ADAM10: variants seen among roughly 807,000 people sequenced by gnomAD.
ADAM10 encodes the protein disintegrin and metalloproteinase domain-containing protein 10.
Under a neutral mutation model 90.1 loss-of-function variants are expected in ADAM10, and 17 were observed. The ratio of observed to expected loss-of-function variants is 0.19; its 90% confidence interval spans 0.13 to 0.28. The LOEUF (loss-of-function observed/expected upper bound fraction) is 0.28. ADAM10 is among the 10% of genes least tolerant of loss of function. The probability of loss-of-function intolerance (pLI) is 1.00; values close to 1 mark genes in which losing one functional copy is unlikely to be tolerated. For synonymous variants in ADAM10, 310 were observed against 298.6 expected, an observed-to-expected ratio of 1.04 and a Z score of -0.40; for missense variants, 610 against 914.3, an observed-to-expected ratio of 0.67 and a Z score of 4.29.
chr15:58,688,766 T>TATATA (rs1555418241), intron 2 of ADAM10, among the ~76,000 whole-genome samples: 7 of 121,892 alleles, frequency 5.7e-5, no homozygotes, highest in African/African-American at 2.6e-4. Context: ...AAAAAAAAAA[T>TATATA]TATATATATA....
chr15:58,698,373 A>G, intron 2 of ADAM10: 1 of 388,048 alleles, frequency 2.6e-6, no homozygotes. Flanking sequence ...GGAGTTTGAG[A>G]CCAGCCTGGG....
chr15:58,659,494 G>A (rs926139213), intron 5 of ADAM10, among the ~76,000 whole-genome samples: 7 of 151,900 alleles, frequency 4.6e-5, no homozygotes, highest in African/African-American at 1.7e-4. Flanking sequence ...CCTTTATTAT[G>A]TTTATGTGGT....
rs541431264 is a variant in ADAM10, at chr15:58,589,551, C to G, written c.*7996G>C. The G allele has an allele frequency of 6.6e-6, 1 of 152,378 alleles. No individual in the cohort carries two copies. Among genetic ancestry groups the G allele is most frequent in the South Asian group, 2.1e-4 (1 of 4,830 alleles). 9.4% of individuals were successfully genotyped at this position (152,378 alleles called of 1,614,324 possible). On this transcript the variant is annotated 3_prime_UTR_variant, in exon 16 of 16. Transcript: ENST00000260408. ...GCTGGTTTCTTTCCTTCCGCTAGAC[C>G]CTCAGCTCCCTGAAGGCACAGACTG...
intron 1 of ADAM10, among the ~76,000 whole-genome samples, chr15:58,723,922 C>A (rs1213019625): frequency 6.6e-6 from 1 of 152,076 alleles, no homozygotes; most frequent in Admixed American, 6.6e-5. Context: ...CAGAATCAGT[C>A]TTAGATTATA....
intron 4 of ADAM10, among the ~76,000 whole-genome samples, chr15:58,677,709 G>A (rs1180935603): frequency 6.6e-6 from 1 of 152,074 alleles, no homozygotes; most frequent in African/African-American, 2.4e-5. Context: ...AAATAATCTG[G>A]CAGATTACGC....
At chr15:58,686,544 A>C (rs1436635345) in intron 2 of ADAM10, 1 of 1,415,446 alleles carries the variant, frequency 7.1e-7, no homozygotes, top group African/African-American at 1.4e-5. Context: ...AATGCCTGCA[A>C]GGATGCCCTG....
At chr15:58,626,014 A>G (rs1372802693) in intron 10 of ADAM10, among the ~76,000 whole-genome samples, 1 of 152,200 alleles carries the variant, frequency 6.6e-6, no homozygotes, top group Non-Finnish European at 1.5e-5. Context: ...GAAGGGAGGT[A>G]AGCATGGTTA....
rs1166188970 is a variant in ADAM10 at position 58,591,088 on chromosome 15, CA to C, written c.*6458del. ...TGGATAAGCTGACCATACTCCTTGACATGTTTAACAGAGAACAAATATTTTA... is the reference window on the plus strand; with the variant it reads ...TGGATAAGCTGACCATACTCCTTGACTGTTTAACAGAGAACAAATATTTTA... On this transcript the variant is annotated 3_prime_UTR_variant, in exon 16 of 16. Transcript: ENST00000260408. The C allele has an allele frequency of 6.6e-6, 1 of 152,184 alleles. No individual in the cohort carries two copies. Among genetic ancestry groups the C allele is most frequent in the Non-Finnish European group, 1.5e-5 (1 of 68,026 alleles). 9.4% of individuals were successfully genotyped at this position (152,184 alleles called of 1,614,324 possible). A position where few individuals can be genotyped will look rare whatever the true frequency, so the allele number is the denominator to read the frequency against.
intron 9 of ADAM10, chr15:58,629,274 TA>T (rs1896033584): frequency 6.6e-6 from 1 of 152,252 alleles, no homozygotes; most frequent in African/African-American, 2.4e-5. Context: ...CTTCTATTTT[TA>T]AATGATAGCA....
chr15:58,664,993 G>T (rs1368374660), intron 5 of ADAM10, 104 bp downstream of exon 5: 4 of 914,598 alleles, frequency 4.4e-6, no homozygotes, highest in South Asian at 4.0e-5. Flanking sequence ...CCCCACAGTG[G>T]TGTTAAGTCT....
intron 2 of ADAM10, among the ~76,000 whole-genome samples, chr15:58,683,311 A>G (rs751744669): frequency 1.1e-4 from 16 of 152,188 alleles, no homozygotes; most frequent in Admixed American, 2.6e-4. Context: ...GCAGAGTACT[A>G]TAAGAACCTT....
At chr15:58,742,310 T>C (rs762728198) in intron 1 of ADAM10, among the ~76,000 whole-genome samples, 2 of 152,350 alleles carry the variant, frequency 1.3e-5, no homozygotes, top group South Asian at 2.1e-4. Flanking sequence ...GGTTGTGACA[T>C]AACCCCACAT....
intron 4 of ADAM10, among the ~76,000 whole-genome samples, chr15:58,667,257 A>G (rs1339884222): frequency 6.6e-6 from 1 of 152,164 alleles, no homozygotes; most frequent in East Asian, 1.9e-4. Context: ...GTTGTTCAAG[A>G]CACAAATATA....
intron 14 of ADAM10, among the ~76,000 whole-genome samples, chr15:58,601,233 G>A (rs531858378): frequency 1.3e-5 from 2 of 152,202 alleles, no homozygotes; most frequent in South Asian, 2.1e-4. Context: ...AGGCCGGGGC[G>A]GGTGGATCAC....
chr15:58,648,095 A>C (rs1288896968), intron 5 of ADAM10, among the ~76,000 whole-genome samples: 1 of 152,240 alleles, frequency 6.6e-6, no homozygotes, highest in Non-Finnish European at 1.5e-5. Flanking sequence ...AACTATGTGA[A>C]ATGATGGAAA....
intron 2 of ADAM10, chr15:58,698,164 AT>A: frequency 3.1e-6 from 1 of 322,232 alleles, no homozygotes; most frequent in Non-Finnish European, 6.0e-6. Context: ...TGAAAAAGAA[AT>A]TTATGAGATC....
At chr15:58,683,488 C>T (rs375249827) in intron 2 of ADAM10, among the ~76,000 whole-genome samples, 2 of 152,206 alleles carry the variant, frequency 1.3e-5, no homozygotes, top group South Asian at 2.1e-4. Flanking sequence ...ACAAGAATTC[C>T]ATTTCTAGAA....
intron 1 of ADAM10, among the ~76,000 whole-genome samples, chr15:58,727,009 C>T (rs1262159031): frequency 1.3e-5 from 2 of 151,372 alleles, no homozygotes; most frequent in Non-Finnish European, 1.5e-5. Flanking sequence ...GCTGTCATTT[C>T]GCTTTTTGAT....
chr15:58,673,566 T>C (rs1897246339), intron 4 of ADAM10, among the ~76,000 whole-genome samples: 1 of 150,108 alleles, frequency 6.7e-6, no homozygotes, highest in African/African-American at 2.5e-5. Flanking sequence ...TACATATACA[T>C]ACATATATAT....
Sources: allele counts gnomAD v4.1 joint callset (sites outside exome capture counted in the v4.1 genomes callset), GRCh38; gene constraint gnomAD v4.1.1; transcripts MANE v1.5; gene names NCBI Gene and HGNC (gene_info 2026-07-23, HGNC 2026-07-21).